The following ABLIM1 variants were observed in gnomAD, a reference collection of about 807,000 sequenced individuals.
The protein encoded by ABLIM1 is actin-binding LIM protein 1.
ABLIM1 carries 40 observed loss-of-function variants against 107.0 expected under a neutral mutation model. The observed-to-expected ratio is 0.37, with a 90% CI of 0.29 to 0.49. The LOEUF (loss-of-function observed/expected upper bound fraction) is 0.49, where lower values mean the gene tolerates loss of function less well. ABLIM1 is among the 20% of genes least tolerant of loss of function. The probability of loss-of-function intolerance (pLI) is 0.97; values close to 1 mark genes in which losing one functional copy is unlikely to be tolerated. For missense variants in ABLIM1, 857 were observed against 1,008.5 expected, an observed-to-expected ratio of 0.85 and a Z score of 2.04; for synonymous variants, 357 against 357.3, an observed-to-expected ratio of 1.00 and a Z score of 0.01.
intron 1 of ABLIM1, among the ~76,000 whole-genome samples, chr10:114,760,312 C>A (rs746517142): frequency 6.6e-6 from 1 of 151,710 alleles, no homozygotes; most frequent in Non-Finnish European, 1.5e-5. Context: ...AAAAGCATAT[C>A]TTTTCTTAAT....
intron 1 of ABLIM1, among the ~76,000 whole-genome samples, chr10:114,656,879 G>A (rs1435549798): frequency 1.3e-5 from 2 of 152,196 alleles, no homozygotes; most frequent in Non-Finnish European, 2.9e-5. Context: ...GGAAATCTAA[G>A]AGGCAGAAAG....
At chr10:114,756,040 ATACT>A (rs1418449897) in intron 1 of ABLIM1, among the ~76,000 whole-genome samples, 4 of 152,022 alleles carry the variant, frequency 2.6e-5, no homozygotes, top group African/African-American at 9.6e-5. Flanking sequence ...CATTTATTAA[ATACT>A]TAATTATTTA....
At chr10:114,467,131 C>A (rs2065343840) in intron 11 of ABLIM1, among the ~76,000 whole-genome samples, 1 of 152,092 alleles carries the variant, frequency 6.6e-6, no homozygotes, top group Non-Finnish European at 1.5e-5. Flanking sequence ...TACACCCCAG[C>A]CTGGGCAACA....
chr10:114,642,190 A>C (rs2078785295), intron 1 of ABLIM1, among the ~76,000 whole-genome samples: 1 of 152,056 alleles, frequency 6.6e-6, no homozygotes, highest in African/African-American at 2.4e-5. Flanking sequence ...CACTGCACCC[A>C]GTGCCACTGC....
intron 10 of ABLIM1, among the ~76,000 whole-genome samples, chr10:114,471,999 G>A (rs1045709516): frequency 1.3e-5 from 2 of 151,958 alleles, no homozygotes; most frequent in Non-Finnish European, 2.9e-5. Flanking sequence ...AGATGGGACC[G>A]GGGAGGGGAG....
chr10:114,502,595 C>G (rs532619098), intron 6 of ABLIM1, among the ~76,000 whole-genome samples: 6 of 152,142 alleles, frequency 3.9e-5, no homozygotes, highest in African/African-American at 1.4e-4. Flanking sequence ...CTCCCAGGTT[C>G]AAGTGATTCT....
chr10:114,466,894 C>T (rs1318464332), intron 11 of ABLIM1, among the ~76,000 whole-genome samples: 6 of 152,202 alleles, frequency 3.9e-5, no homozygotes, highest in African/African-American at 9.7e-5. Flanking sequence ...CACAGTGGCT[C>T]ATGCCTGTAA....
At chr10:114,659,157 T>C (rs1387403045), upstream of ABLIM1, among the ~76,000 whole-genome samples, 2 of 152,170 alleles carry the variant, frequency 1.3e-5, no homozygotes, top group African/African-American at 4.8e-5. Flanking sequence ...AATAGAATTA[T>C]AGAGCTGACA....
intron 1 of ABLIM1, among the ~76,000 whole-genome samples, chr10:114,667,283 T>C (rs888643881): frequency 3.9e-5 from 6 of 152,224 alleles, no homozygotes; most frequent in African/African-American, 1.2e-4. Context: ...TTTAATCTGC[T>C]GTGAACCACT....
In ABLIM1 at chr10:114,573,978, T is replaced by G. The variant is rs997852602; in HGVS notation, c.563+1438A>C. ...TCATTCATCCAGAATTATTAAATTA[T>G]GATTTAAAAAAATGAAATAGAGAAA... On this transcript the variant is annotated intron_variant, in intron 3 of 22. Transcript: ENST00000533213. 2.0e-5 allele frequency among the ~76,000 whole-genome samples: 3 copies of G among 152,182 alleles called. No homozygotes were observed. The East Asian group carries it at 5.8e-4, about 29-fold the overall frequency.
At chr10:114,548,245 G>C (rs2137676355) in intron 4 of ABLIM1, among the ~76,000 whole-genome samples, 1 of 152,274 alleles carries the variant, frequency 6.6e-6, no homozygotes. Context: ...TTTTGTAAAT[G>C]GGACCCTACT....
chr10:114,650,134 C>T (rs914525613), intron 1 of ABLIM1, among the ~76,000 whole-genome samples: 2 of 152,144 alleles, frequency 1.3e-5, no homozygotes, highest in African/African-American at 2.4e-5. Flanking sequence ...GGATTACAGG[C>T]GTGAGCCACT....
At chr10:114,640,397 G>T (rs2078686784) in intron 1 of ABLIM1, among the ~76,000 whole-genome samples, 1 of 152,122 alleles carries the variant, frequency 6.6e-6, no homozygotes, top group Non-Finnish European at 1.5e-5. Context: ...CATGGTGACG[G>T]GTACCTGTAG....
At chr10:114,648,181 A>G (rs57898409) in intron 1 of ABLIM1, among the ~76,000 whole-genome samples, 3,254 of 152,338 alleles carry the variant, frequency 0.021, 103 homozygotes, top group African/African-American at 0.074. Context: ...ACTCCTCGGT[A>G]TATACCCAAG....
Position 114,435,980 on chromosome 10 carries a change from C to G in ABLIM1, c.*280G>C. The G allele has an allele frequency of 3.3e-6, 1 of 307,608 alleles. No individual in the cohort carries two copies. Among genetic ancestry groups the G allele is most frequent in the Non-Finnish European group, 6.0e-6 (1 of 166,570 alleles). 19.1% of individuals were successfully genotyped at this position (307,608 alleles called of 1,614,324 possible). A position where few individuals can be genotyped will look rare whatever the true frequency, so the allele number is the denominator to read the frequency against. ...AAGGAAAAGAAAAAGAAGAAAACAA[C>G]GCAGCTCCTGTTGTATACATAAGGT... On this transcript the variant is annotated 3_prime_UTR_variant, in exon 23 of 23. Transcript: ENST00000533213.
At chr10:114,657,669 T>G (rs1185866866) in intron 1 of ABLIM1, among the ~76,000 whole-genome samples, 2 of 152,200 alleles carry the variant, frequency 1.3e-5, no homozygotes, top group Admixed American at 1.3e-4. Flanking sequence ...GATCTTTCTT[T>G]TCCATCATAC....
chr10:114,625,772 C>T (rs74623093), intron 1 of ABLIM1, among the ~76,000 whole-genome samples: 1 of 152,042 alleles, frequency 6.6e-6, no homozygotes, highest in Non-Finnish European at 1.5e-5. Context: ...GTTTTGGAGC[C>T]AGATAGGCAG....
chr10:114,492,872 GT>G (rs2059189358), intron 6 of ABLIM1, among the ~76,000 whole-genome samples: 1 of 152,132 alleles, frequency 6.6e-6, no homozygotes, highest in Admixed American at 6.5e-5. Context: ...ATACTTTCCT[GT>G]AAAAACTACA....
chr10:114,613,695 A>G, intron 1 of ABLIM1: 1 of 1,323,778 alleles, frequency 7.6e-7, no homozygotes, highest in Non-Finnish European at 1.0e-6. Flanking sequence ...CTGGGAGATG[A>G]AAGCATGAGA....
Sources: allele counts gnomAD v4.1 joint callset (sites outside exome capture counted in the v4.1 genomes callset), GRCh38; gene constraint gnomAD v4.1.1; transcripts MANE v1.5; gene names NCBI Gene and HGNC (gene_info 2026-07-23, HGNC 2026-07-21).